TAF1: variants seen among roughly 807,000 people sequenced by gnomAD.
The protein encoded by TAF1 is TATA-box binding protein associated factor 1, also known as transcription initiation factor TFIID subunit 1.
Under a neutral mutation model 138.5 loss-of-function variants are expected in TAF1, and 2 were observed. The ratio of observed to expected loss-of-function variants is 0.01; its 90% CI spans 0.01 to 0.05. The LOEUF is 0.05. Ranked by LOEUF, TAF1 falls within the 10% of genes least tolerant of loss-of-function variation. The pLI, the probability that TAF1 is intolerant of heterozygous loss-of-function variation, is 1.00. For synonymous variants in TAF1, 437 were observed against 503.2 expected, an observed-to-expected ratio of 0.87 and a Z score of 1.76; for missense variants, 709 against 1,478.0, an observed-to-expected ratio of 0.48 and a Z score of 8.53.
intron 3 of TAF1, among the ~76,000 whole-genome samples, chrX:71,369,562 T>C (rs2032863418): frequency 9.0e-6 from 1 of 111,420 alleles, no homozygotes; most frequent in Admixed American, 9.6e-5. Flanking sequence ...TAGACATTGT[T>C]TGAGCACTTG....
chrX:71,498,275 G>A (rs2039434352), intron 13 of TAF1, among the ~76,000 whole-genome samples: 1 of 111,485 alleles, frequency 9.0e-6, no homozygotes, highest in Admixed American at 9.6e-5. Context: ...CAGAATGCAG[G>A]GGAATACAGA....
At chrX:71,498,547 G>A (rs746440444) in intron 13 of TAF1, among the ~76,000 whole-genome samples, 70 of 111,424 alleles carry the variant, frequency 6.3e-4, no homozygotes, top group South Asian at 1.5e-3. Context: ...TGAGATACAG[G>A]CCTTAAGGGA....
In TAF1 at chrX:71,423,197, T is replaced by A; in HGVS notation, c.4533T>A (p.Ile1511=). The part of the protein sequence containing the change: ...DDDDQVAFSF[I]LDNIVTQKMM... The stretch of plus-strand genomic sequence containing the variant: ...ATGACCAAGTGGCGTTTTCTTTCAT[T>A]CTGGACAACATTGTCACCCAGAAAA... Residue 1511 remains isoleucine (I), a synonymous_variant, in exon 30 of 38, where the codon ATT becomes ATA. Transcript: ENST00000423759. 1 of 1,211,798 alleles carries A rather than the reference T, an allele frequency of 8.3e-7. No homozygotes were observed. The highest frequency in any genetic ancestry group is 1.8e-5 in the South Asian group (1 of 57,007).
chrX:71,528,319 T>G, intron 13 of TAF1: 1 of 277,426 alleles, frequency 3.6e-6, no homozygotes, highest in South Asian at 3.5e-5. Flanking sequence ...ACAACCATAG[T>G]GTCACTACTT....
At chrX:71,405,179 G>A (rs1384893704) in intron 25 of TAF1, among the ~76,000 whole-genome samples, 15 of 110,094 alleles carry the variant, frequency 1.4e-4, no homozygotes, top group Non-Finnish European at 1.9e-5. Flanking sequence ...GGCTGGTCTC[G>A]AACCCCTGAC....
intron 21 of TAF1, 41 bp from the exon 22 acceptor site, chrX:71,394,026 T>A: frequency 2.6e-6 from 3 of 1,140,013 alleles, no homozygotes; most frequent in Non-Finnish European, 3.5e-6. Flanking sequence ...TGCAACCATA[T>A]TTCTTTAGTT....
Position 71,394,160 on chromosome X carries a change from C to T in TAF1, c.3321C>T (p.Asn1107=). ...AAGAAATGGGAAAGAACATTGAGAA[C>T]ATGTTGCAGAACAAGAAAACCAGCT... ...DFEEMGKNIE[N]MLQNKKTSSQ... is the part of the protein sequence containing the mutation. Residue 1107 remains asparagine (N), a synonymous_variant, in exon 22 of 38, where the codon AAC becomes AAT. Coordinates refer to ENST00000423759, the MANE Select transcript of TAF1 (RefSeq NM_004606.5). 8.3e-7 allele frequency: 1 copy of T among 1,212,045 alleles called. No individual in the cohort carries two copies. Among genetic ancestry groups the T allele is most frequent in the Non-Finnish European group, 1.1e-6 (1 of 895,636 alleles).
chrX:71,406,539 T>A, intron 25 of TAF1, 99 bp from the exon 26 acceptor site: 1 of 834,157 alleles, frequency 1.2e-6, no homozygotes, highest in South Asian at 2.7e-5. Flanking sequence ...GCTAGGCTCG[T>A]GCTTAGGTAC....
intron 13 of TAF1, chrX:71,492,899 G>C (rs2039321061): frequency 8.8e-6 from 1 of 113,304 alleles, no homozygotes; most frequent in African/African-American, 3.2e-5. Flanking sequence ...GGCCGCCCAA[G>C]CTGCAGCCCA....
intron 13 of TAF1, 33 bp downstream of exon 13, chrX:71,384,168 AC>A: frequency 2.5e-6 from 3 of 1,197,011 alleles, no homozygotes; most frequent in Non-Finnish European, 3.4e-6. Flanking sequence ...TTTTTCCCAT[AC>A]ATAATTCTGC....
chrX:71,446,841 A>G (rs995608035), intron 32 of TAF1, among the ~76,000 whole-genome samples: 2 of 111,518 alleles, frequency 1.8e-5, no homozygotes, highest in African/African-American at 6.5e-5. Flanking sequence ...AGATTATGTT[A>G]CTCTGGTTTA....
At chrX:71,519,092 G>A (rs2147628552) in intron 13 of TAF1, among the ~76,000 whole-genome samples, 1 of 109,025 alleles carries the variant, frequency 9.2e-6, no homozygotes, top group East Asian at 2.9e-4. Context: ...GGAGGCCGAG[G>A]CAGACGGATC....
At chrX:71,496,450 A>G (rs1244740507) in intron 13 of TAF1, among the ~76,000 whole-genome samples, 1 of 111,782 alleles carries the variant, frequency 8.9e-6, no homozygotes, top group Middle Eastern at 4.2e-3. Flanking sequence ...AATAGGGTAC[A>G]CCGTTTTTTC....
intron 32 of TAF1, among the ~76,000 whole-genome samples, chrX:71,435,383 A>G (rs2037088158): frequency 8.9e-6 from 1 of 111,991 alleles, no homozygotes; most frequent in Non-Finnish European, 1.9e-5. Context: ...TATTCAGCCA[A>G]AGACTAAAGG....
intron 16 of TAF1, 62 bp downstream of exon 16, chrX:71,388,440 G>T: frequency 8.6e-7 from 1 of 1,161,222 alleles, no homozygotes; most frequent in South Asian, 2.0e-5. Context: ...TGATGGCTTT[G>T]AGTTAAAGGA....
chrX:71,460,851 A>G (rs1477538630), intron 37 of TAF1, 48 bp downstream of exon 37: 5 of 1,164,082 alleles, frequency 4.3e-6, no homozygotes, highest in East Asian at 3.2e-5. Flanking sequence ...GTGCCCAGCT[A>G]TGATGTTGAG....
At chrX:71,401,768 G>T in intron 25 of TAF1, 29 bp downstream of exon 25, 3 of 1,183,941 alleles carry the variant, frequency 2.5e-6, no homozygotes, top group Non-Finnish European at 3.4e-6. Context: ...GAAGTGCTAT[G>T]GGACAGATTT....
chrX:71,505,998 C>T (rs973481556), intron 13 of TAF1, among the ~76,000 whole-genome samples: 4 of 107,960 alleles, frequency 3.7e-5, no homozygotes, highest in South Asian at 4.2e-4. Context: ...CCAGCCCAGG[C>T]GACAGAGCAA....
At chrX:71,423,891 A>T (rs2036474012) in intron 30 of TAF1, 83 bp from the exon 31 acceptor site, 1 of 757,448 alleles carries the variant, frequency 1.3e-6, no homozygotes, top group East Asian at 3.3e-5. Context: ...TTTTTTTAGG[A>T]ATATTTGTAA....
Sources: allele counts gnomAD v4.1 joint callset (sites outside exome capture counted in the v4.1 genomes callset), GRCh38; gene constraint gnomAD v4.1.1; transcripts MANE v1.5; gene names NCBI Gene and HGNC (gene_info 2026-07-23, HGNC 2026-07-21).